LAMC2: variants seen among roughly 807,000 people sequenced by gnomAD.
LAMC2 encodes the protein laminin subunit gamma 2, also known as laminin subunit gamma-2.
Under a neutral mutation model 140.2 loss-of-function variants are expected in LAMC2, and 97 were observed. The ratio of observed to expected loss-of-function variants is 0.69; its 90% CI spans 0.59 to 0.82. The LOEUF (loss-of-function observed/expected upper bound fraction) is 0.82. Ranked by LOEUF, LAMC2 falls within the 40% of genes least tolerant of loss-of-function variation. The pLI, the probability that LAMC2 is intolerant of heterozygous loss-of-function variation, is 0.00. For missense variants in LAMC2, 1,402 were observed against 1,476.1 expected, an observed-to-expected ratio of 0.95 and a Z score of 0.82; for synonymous variants, 513 against 540.2, an observed-to-expected ratio of 0.95 and a Z score of 0.70.
chr1:183,249,401 G>A (rs199699871), downstream of LAMC2: 2 of 152,058 alleles, frequency 1.3e-5, no homozygotes, highest in Admixed American at 6.5e-5. Flanking sequence ...TTTTTTGCTG[G>A]TGAACAGGAA....
At chr1:183,213,947 C>T (rs1659158853) in intron 2 of LAMC2, among the ~76,000 whole-genome samples, 1 of 151,890 alleles carries the variant, frequency 6.6e-6, no homozygotes, top group African/African-American at 2.4e-5. Context: ...TGCCTGTAAT[C>T]CCAGCTACTT....
downstream of LAMC2, among the ~76,000 whole-genome samples, chr1:183,245,911 G>A (rs976108912): frequency 6.6e-6 from 1 of 152,080 alleles, no homozygotes; most frequent in Non-Finnish European, 1.5e-5. Context: ...GGCTCATGCC[G>A]GTAATCCCAG....
At chr1:183,187,809 A>C (rs1658201294) in intron 1 of LAMC2, among the ~76,000 whole-genome samples, 1 of 152,192 alleles carries the variant, frequency 6.6e-6, no homozygotes, top group Non-Finnish European at 1.5e-5. Context: ...AAAATGAGAA[A>C]ATGAAAATGT....
intron 20 of LAMC2, 73 bp downstream of exon 20, chr1:183,239,636 A>G (rs928135491): frequency 7.5e-7 from 1 of 1,333,506 alleles, no homozygotes. Flanking sequence ...GAAAAAGAAC[A>G]TTGAGCTTAT....
intron 11 of LAMC2, 89 bp from the exon 12 acceptor site, chr1:183,230,872 G>A: frequency 6.9e-7 from 1 of 1,448,594 alleles, no homozygotes. Flanking sequence ...TCTGCTGTTG[G>A]AGGCTTGATC....
At chr1:183,202,140 G>A (rs1658725620) in intron 1 of LAMC2, among the ~76,000 whole-genome samples, 1 of 151,740 alleles carries the variant, frequency 6.6e-6, no homozygotes, top group Admixed American at 6.6e-5. Context: ...GTTGCAATGA[G>A]CTGAGATCAC....
At chr1:183,216,615 C>T (rs1025625328) in intron 3 of LAMC2, among the ~76,000 whole-genome samples, 3 of 152,164 alleles carry the variant, frequency 2.0e-5, no homozygotes, top group East Asian at 1.9e-4. Flanking sequence ...TCCCCGAAGC[C>T]GTGCAGCGCC....
At position 183,243,397 on chromosome 1, in the gene LAMC2, G is replaced by T. The variant is rs748740905; in HGVS notation, c.3579G>T (p.Gln1193His). The T allele has an allele frequency of 1.1e-5, 17 of 1,614,216 alleles. No homozygotes were observed. Among genetic ancestry groups the T allele is most frequent in the Non-Finnish European group, 1.4e-5 (17 of 1,180,028 alleles). ...ACAATACCCAGGCTCTTGAGCAACA[G>T]TGAAGCTGCCATAAATATTTCTCAA... ...GCYNTQALEQ[Q>H] Residue 1193 changes from glutamine (Q) to histidine (H), a missense_variant, in exon 23 of 23, where the codon CAG becomes CAT. Physicochemically the swap from Gln to His is conservative, Grantham distance 24 (BLOSUM62 0). Around this residue, in one of 3 missense-constraint regions of LAMC2, gnomAD observed 670 missense variants for 667.2 expected, o/e 1.00. Coordinates refer to ENST00000264144, the MANE Select transcript of LAMC2 (RefSeq NM_005562.3).
chr1:183,252,865 C>A, the LAMC2 span: 1 of 706,096 alleles, frequency 1.4e-6, no homozygotes, highest in South Asian at 1.7e-5. Context: ...GTAAATAGTT[C>A]TGTATTAGGA....
intron 1 of LAMC2, among the ~76,000 whole-genome samples, chr1:183,200,267 G>A (rs1005168072): frequency 2.0e-5 from 3 of 152,094 alleles, no homozygotes; most frequent in Non-Finnish European, 4.4e-5. Flanking sequence ...GTGGGTGCCT[G>A]TAATCCCAGC....
At position 183,239,390 on chromosome 1, in the gene LAMC2, A is replaced by C; in HGVS notation, c.2896A>C (p.Lys966Gln). 6.2e-7 allele frequency: 1 copy of C among 1,614,190 alleles called. No homozygotes were observed. The change falls in exon 20 of 23, where the codon AAA becomes CAA. Residue 966 changes from lysine (K) to glutamine (Q), a missense_variant. Physicochemically the swap from Lys to Gln is moderately conservative, Grantham distance 53. Coordinates refer to ENST00000264144, the MANE Select transcript of LAMC2 (RefSeq NM_005562.3). Reference sequence around the variant, plus strand: ...GTTTGACCTGCAGGTGGACAACAGAAAAGCAGAAGCTGAAGAAGCCATGAA... The same window carrying C: ...GTTTGACCTGCAGGTGGACAACAGACAAGCAGAAGCTGAAGAAGCCATGAA... Reference protein sequence around the residue: ...REFDLQVDNRKAEAEEAMKRL... With the variant: ...REFDLQVDNRQAEAEEAMKRL...
intron 1 of LAMC2, among the ~76,000 whole-genome samples, chr1:183,191,454 T>A (rs1658327509): frequency 6.6e-6 from 1 of 151,956 alleles, no homozygotes; most frequent in African/African-American, 2.4e-5. Flanking sequence ...GGAATATCTT[T>A]CCCATTTAAC....
At chr1:183,199,130 A>G (rs1390656197) in intron 1 of LAMC2, among the ~76,000 whole-genome samples, 1 of 117,036 alleles carries the variant, frequency 8.5e-6, no homozygotes, top group African/African-American at 3.4e-5. Flanking sequence ...TTTGAGACAG[A>G]GTCTCGTACT....
rs547277488 is a variant in LAMC2, at chr1:183,243,502, T to C, written c.*102T>C. 3.5e-6 allele frequency: 5 copies of C among 1,438,470 alleles called. No homozygotes were observed. Among genetic ancestry groups the C allele is most frequent in the Non-Finnish European group, 4.9e-6 (5 of 1,024,684 alleles). The allele number at this position is 1,438,470 out of a possible 1,614,324, so 89.1% of individuals were successfully genotyped here. A position where few individuals can be genotyped will look rare whatever the true frequency, so the allele number is the denominator to read the frequency against. On this transcript the variant is annotated 3_prime_UTR_variant, in exon 23 of 23. Coordinates refer to ENST00000264144, the MANE Select transcript of LAMC2 (RefSeq NM_005562.3). Reference sequence around the variant, plus strand: ...GTGGGATGGGGACATTTGAACATGTTTAATGGGTATGCTCAGGTCAACTGA... The same window carrying C: ...GTGGGATGGGGACATTTGAACATGTCTAATGGGTATGCTCAGGTCAACTGA...
intron 1 of LAMC2, among the ~76,000 whole-genome samples, chr1:183,193,076 C>G (rs1658397655): frequency 6.6e-6 from 1 of 152,194 alleles, no homozygotes; most frequent in African/African-American, 2.4e-5. Context: ...ACCTGTATTT[C>G]TAATGAAGAC....
chr1:183,231,661 G>A (rs779525332), intron 12 of LAMC2, among the ~76,000 whole-genome samples: 2 of 152,214 alleles, frequency 1.3e-5, no homozygotes, highest in Non-Finnish European at 2.9e-5. Context: ...GAATTACAGA[G>A]AAGAATGAAC....
rs1465656842 is a variant in LAMC2, at chr1:183,230,965, C to CA, written c.1721dup (p.Asn574LysfsTer3). On this transcript the variant is annotated frameshift_variant, in exon 12 of 23. Coordinates refer to ENST00000264144, the MANE Select transcript of LAMC2 (RefSeq NM_005562.3). LOFTEE classifies it high-confidence loss of function. The stretch of plus-strand genomic sequence containing the variant: ...CCATTTGTCTTTTGTCTCTAGCTTG[C>CA]AACTGTAACCCCATGGGCTCAGAGC... The CA allele has an allele frequency of 6.2e-7, 1 of 1,614,038 alleles. No individual in the cohort carries two copies. Among genetic ancestry groups the CA allele is most frequent in the East Asian group, 2.2e-5 (1 of 44,898 alleles).
At chr1:183,203,697 G>A (rs1244181711) in intron 1 of LAMC2, among the ~76,000 whole-genome samples, 1 of 152,100 alleles carries the variant, frequency 6.6e-6, no homozygotes, top group African/African-American at 2.4e-5. Context: ...ATAGCTGGGT[G>A]TTTAATCTCA....
chr1:183,235,457 C>T, intron 15 of LAMC2, 118 bp from the exon 16 acceptor site: 4 of 1,111,442 alleles, frequency 3.6e-6, no homozygotes, highest in South Asian at 2.7e-5. Flanking sequence ...TGAGTCAGTT[C>T]TGTAGGGTTT....
Sources: gnomAD v4.1 joint callset for allele counts (sites outside exome capture counted in the v4.1 genomes callset) on GRCh38, gnomAD v4.1.1 for gene constraint, gnomAD v4.1.1 regional missense constraint, MANE v1.5 for transcripts, NCBI Gene and HGNC (gene_info 2026-07-23, HGNC 2026-07-21) for gene names.